The following MOB3A variants were observed in gnomAD, a reference collection of about 807,000 sequenced individuals.
The protein encoded by MOB3A is MOB LAK.
MOB3A carries 17 observed loss-of-function variants against 17.8 expected under a neutral mutation model. The ratio of observed to expected loss-of-function variants is 0.95; its 90% CI spans 0.65 to 1.43. The LOEUF is 1.43. Among genes scored for constraint, MOB3A ranks in the 40% most tolerant of loss-of-function variants. The probability of loss-of-function intolerance (pLI) is 0.00; values close to 1 mark genes in which losing one functional copy is unlikely to be tolerated. For synonymous variants in MOB3A, 124 were observed against 133.2 expected (o/e 0.93, Z 0.48); for missense variants, 333 against 310.8 (o/e 1.07, Z -0.54).
chr19:2,075,569 C>A (rs1199413764), intron 4 of MOB3A, among the ~76,000 whole-genome samples: 1 of 152,168 alleles, frequency 6.6e-6, no homozygotes, highest in African/African-American at 2.4e-5. Flanking sequence ...ATCCATACAG[C>A]GCCCAGCAGC....
intron 2 of MOB3A, among the ~76,000 whole-genome samples, chr19:2,081,318 T>G (rs1049594810): frequency 1.3e-5 from 2 of 152,164 alleles, no homozygotes; most frequent in Non-Finnish European, 2.9e-5. Flanking sequence ...CCGGGCGTGG[T>G]GGCTCACGCC....
rs1036072497 is a variant in MOB3A at position 2,078,109 on chromosome 19, T to C, written c.421+31A>G. 2.6e-6 allele frequency: 4 copies of C among 1,528,460 alleles called. No homozygotes were observed. In the South Asian group the frequency reaches 3.9e-5, roughly 15 times the overall value. 94.7% of individuals were successfully genotyped at this position (1,528,460 alleles called of 1,614,324 possible). On this transcript the variant is annotated intron_variant, in intron 3 of 4. Transcript: ENST00000357066. ...TCCCTGACTTTTCTGGAAGGCTCTG[T>C]ATCCCCGAGCCCCTGCCAGCTCTGA...
intron 1 of MOB3A, among the ~76,000 whole-genome samples, chr19:2,085,862 G>A (rs146327272): frequency 0.014 from 2,057 of 149,740 alleles, 21 homozygotes; most frequent in Middle Eastern, 0.075. Flanking sequence ...TACTTGGGAG[G>A]CTGAGGCAGG....
In MOB3A at chr19:2,077,007, G is replaced by C; in HGVS notation, c.428C>G (p.Pro143Arg). The C allele has an allele frequency of 6.2e-7, 1 of 1,612,774 alleles. No homozygotes were observed. Among genetic ancestry groups the C allele is most frequent in the Non-Finnish European group, 8.5e-7 (1 of 1,179,678 alleles). Residue 143 changes from proline to arginine, a missense_variant, in exon 4 of 5, where the codon CCG becomes CGG. Pro to Arg is a moderately radical substitution (Grantham distance 103). Coordinates refer to ENST00000357066, the MANE Select transcript of MOB3A (RefSeq NM_130807.3). ...CGTCTGCAGGAAGTTCTTGGGAAAC[G>C]GAGTGCCTGCAGGGAGAGGGGTGGG... Reference protein sequence around the residue: ...EDLFPTNVGTPFPKNFLQTVR... With the variant: ...EDLFPTNVGTRFPKNFLQTVR...
intron 1 of MOB3A, among the ~76,000 whole-genome samples, chr19:2,088,813 G>A (rs1250951942): frequency 3.3e-5 from 5 of 152,036 alleles, no homozygotes; most frequent in Non-Finnish European, 5.9e-5. Context: ...ATGTTGTCCA[G>A]GCTGGTCTTA....
In MOB3A at chr19:2,077,011, T is replaced by G. The variant is rs1599402800; in HGVS notation, c.424A>C (p.Thr142Pro). The change falls in exon 4 of 5, where the codon ACT (threonine) becomes CCT (proline). Residue 142 changes from threonine (T) to proline (P), a missense_variant and splice_region_variant. Thr to Pro is a conservative substitution (Grantham distance 38, BLOSUM62 -1). Transcript: ENST00000357066. ...NEDLFPTNVG[T>P]PFPKNFLQTV... ...TGCAGGAAGTTCTTGGGAAACGGAG[T>G]GCCTGCAGGGAGAGGGGTGGGACGG... 3.7e-6 allele frequency: 6 copies of G among 1,612,322 alleles called. No individual in the cohort carries two copies. Among genetic ancestry groups the G allele is most frequent in the African/African-American group, 1.3e-5 (1 of 74,910 alleles).
In MOB3A at chr19:2,078,254, C is replaced by A. The variant is rs2017439092; in HGVS notation, c.307G>T (p.Asp103Tyr). The A allele has an allele frequency of 1.9e-6, 3 of 1,614,100 alleles. No individual in the cohort carries two copies. The highest frequency in any genetic ancestry group is 2.2e-5 in the South Asian group (2 of 91,078). ...GTGGGCTTCCGGAACTTATGCTCAT[C>A]CTGCCAGCGGTACTCATACTTGGGG... ...GGPKYEYRWQ[D>Y]EHKFRKPTAL... is the part of the protein sequence containing the mutation. The change falls in exon 3 of 5, where the codon GAT (aspartate) becomes TAT (tyrosine). Residue 103 changes from aspartate to tyrosine, a missense_variant. Physicochemically the swap from Asp to Tyr is radical, Grantham distance 160. Coordinates refer to ENST00000357066, the MANE Select transcript of MOB3A (RefSeq NM_130807.3).
chr19:2,095,211 AAC>A (rs1290180100), intron 1 of MOB3A: 2 of 152,686 alleles, frequency 1.3e-5, no homozygotes, highest in African/African-American at 2.4e-5. Flanking sequence ...CAAACAAAAA[AAC>A]AGTGTGTACA....
intron 4 of MOB3A, among the ~76,000 whole-genome samples, chr19:2,074,410 G>C (rs576392388): frequency 6.6e-6 from 1 of 151,876 alleles, no homozygotes; most frequent in African/African-American, 2.4e-5. Context: ...AAAAGAAAAA[G>C]AAAGAAAAAA....
intron 4 of MOB3A, among the ~76,000 whole-genome samples, chr19:2,076,431 CAAAACAAACA>C (rs2017409293): frequency 6.6e-6 from 1 of 152,190 alleles, no homozygotes; most frequent in South Asian, 2.1e-4. Context: ...GACTCCGTCT[CAAAACAAACA>C]AAAACAAACA....
intron 2 of MOB3A, among the ~76,000 whole-genome samples, chr19:2,081,492 G>T (rs1247231674): frequency 1.3e-5 from 2 of 152,132 alleles, no homozygotes; most frequent in African/African-American, 4.8e-5. Flanking sequence ...GGAGGCTGAG[G>T]CAGGAGAATC....
chr19:2,081,799 G>C (rs369065597), intron 2 of MOB3A, among the ~76,000 whole-genome samples: 1 of 152,148 alleles, frequency 6.6e-6, no homozygotes, highest in Non-Finnish European at 1.5e-5. Flanking sequence ...CAGGAGAATC[G>C]CTTGAACCTG....
rs549340908 is a variant in MOB3A at position 2,082,321 on chromosome 19, C to T, written c.-120+2854G>A. On this transcript the variant is annotated intron_variant, in intron 2 of 4. Coordinates refer to ENST00000357066, the MANE Select transcript of MOB3A (RefSeq NM_130807.3). This position sits in a 1 kb window ranked among gnomAD's most constrained non-coding sequence, Gnocchi z 4.1. The stretch of plus-strand genomic sequence containing the variant: ...GTCAGGGGCACTGCAAGGTGCTGAG[C>T]GGCATCCCTGGCCGCCGCCCCTCCC... 3.6e-3 allele frequency among the ~76,000 whole-genome samples: 544 copies of T among 152,358 alleles called. No individual in the cohort carries two copies. Among genetic ancestry groups the T allele is most frequent in the Non-Finnish European group, 5.7e-3 (390 of 68,034 alleles).
At chr19:2,083,293 G>A (rs373610636) in intron 2 of MOB3A, among the ~76,000 whole-genome samples, 6 of 152,226 alleles carry the variant, frequency 3.9e-5, no homozygotes, top group African/African-American at 9.6e-5. Context: ...CTGTGGCTGA[G>A]CAGGTGGGAG....
chr19:2,075,210 T>G (rs2017389419), intron 4 of MOB3A, among the ~76,000 whole-genome samples: 1 of 152,142 alleles, frequency 6.6e-6, no homozygotes, highest in Non-Finnish European at 1.5e-5. Context: ...TTTCATTTTT[T>G]GTAGAGATGA....
intron 2 of MOB3A, among the ~76,000 whole-genome samples, chr19:2,079,180 A>C (rs551409435): frequency 3.9e-5 from 6 of 152,376 alleles, no homozygotes; most frequent in Admixed American, 3.9e-4. Flanking sequence ...GAAGGTGCGC[A>C]GAGCCGGGCC....
At chr19:2,076,735 G>A (rs1028620121) in intron 4 of MOB3A, 76 bp downstream of exon 4, 6 of 1,480,862 alleles carry the variant, frequency 4.1e-6, no homozygotes, top group Admixed American at 3.6e-5. Flanking sequence ...TCAGGGTCCT[G>A]GCCCCGGAAG....
At chr19:2,075,150 C>A (rs1449207987) in intron 4 of MOB3A, among the ~76,000 whole-genome samples, 1 of 151,956 alleles carries the variant, frequency 6.6e-6, no homozygotes, top group African/African-American at 2.4e-5. Flanking sequence ...TGTCTCAGCC[C>A]CCTGAGTAGC....
intron 1 of MOB3A, among the ~76,000 whole-genome samples, chr19:2,089,888 A>G (rs2017593723): frequency 6.6e-6 from 1 of 151,352 alleles, no homozygotes; most frequent in Middle Eastern, 3.5e-3. Flanking sequence ...GCCTCCACCC[A>G]CTCCATGCCA....
Sources: allele counts gnomAD v4.1 joint callset (sites outside exome capture counted in the v4.1 genomes callset), GRCh38; gene constraint gnomAD v4.1.1; non-coding constraint Gnocchi (gnomAD v3.1); transcripts MANE v1.5; gene names NCBI Gene and HGNC (gene_info 2026-07-23, HGNC 2026-07-21).